Variants in KCNQ1 observed in about 807,000 individuals in gnomAD.
KCNQ1 encodes the protein potassium voltage-gated channel subfamily KQT member 1.
In KCNQ1, 49 loss-of-function variants were observed where a neutral mutation model predicts 72.4. That is an observed-to-expected ratio of 0.68 (90% CI 0.54 to 0.86). The LOEUF (loss-of-function observed/expected upper bound fraction) is 0.86. KCNQ1 is among the 40% of genes least tolerant of loss of function. KCNQ1 has a pLI of 0.00. For missense variants in KCNQ1, 790 were observed against 945.1 expected (o/e 0.84, Z 2.15); for synonymous variants, 450 against 412.6 (o/e 1.09, Z -1.10).
At chr11:2,742,712 C>T (rs933421905) in intron 11 of KCNQ1, among the ~76,000 whole-genome samples, 5 of 152,248 alleles carry the variant, frequency 3.3e-5, no homozygotes, top group Admixed American at 1.3e-4. Context: ...GAGAAGGAGG[C>T]CTTCCCCTCC....
At chr11:2,846,156 G>A (rs1373480354) in intron 15 of KCNQ1, among the ~76,000 whole-genome samples, 2 of 152,178 alleles carry the variant, frequency 1.3e-5, no homozygotes, top group Admixed American at 6.5e-5. Flanking sequence ...GACCAGGCCC[G>A]CCCGGCGCAG....
chr11:2,806,101 C>T (rs969237504), intron 15 of KCNQ1, among the ~76,000 whole-genome samples: 39 of 152,138 alleles, frequency 2.6e-4, no homozygotes, highest in African/African-American at 9.4e-4. Flanking sequence ...CAAACATGGT[C>T]CCAGTTTCTG....
chr11:2,798,119 C>G (rs573590010), intron 15 of KCNQ1, among the ~76,000 whole-genome samples: 2 of 138,252 alleles, frequency 1.4e-5, no homozygotes, highest in African/African-American at 5.2e-5. Context: ...CCTTTTCCCA[C>G]CCTCAGTGCC....
rs1454302162 is a variant in KCNQ1 at position 2,784,117 on chromosome 11, A to G, written c.1794+6080A>G. Among the ~76,000 whole-genome samples the G allele has an allele frequency of 6.6e-6, 1 of 151,900 alleles. No homozygotes were observed. Among genetic ancestry groups the G allele is most frequent in the Non-Finnish European group, 1.5e-5 (1 of 67,832 alleles). On this transcript the variant is annotated intron_variant, in intron 15 of 15. Transcript: ENST00000155840. This position sits in a 1 kb window ranked among gnomAD's most constrained non-coding sequence, Gnocchi z 4.7. Reference sequence around the variant, plus strand: ...TTTTGTTTTGGGTTTTTTTCCTTCTAGAAGTTGTATAGAATTAGCTCTTAC... The same window carrying G: ...TTTTGTTTTGGGTTTTTTTCCTTCTGGAAGTTGTATAGAATTAGCTCTTAC...
intron 11 of KCNQ1, among the ~76,000 whole-genome samples, chr11:2,751,932 C>T (rs981889032): frequency 6.6e-6 from 1 of 152,216 alleles, no homozygotes; most frequent in Non-Finnish European, 1.5e-5. Flanking sequence ...CGTGGATGCC[C>T]ACACACGGCA....
At position 2,495,683 on chromosome 11, in the gene KCNQ1, C is replaced by T. The variant is rs962405878; in HGVS notation, c.387-32245C>T. Among the ~76,000 whole-genome samples the T allele has an allele frequency of 3.3e-5, 5 of 152,082 alleles. No individual in the cohort carries two copies. The highest frequency in any genetic ancestry group is 6.5e-5 in the Admixed American group (1 of 15,270). On this transcript the variant is annotated intron_variant, in intron 1 of 15. Transcript: ENST00000155840. The surrounding 1 kb of genome is among the most constrained non-coding windows in gnomAD (Gnocchi z 4.6). Reference sequence around the variant, plus strand: ...TCTTCATCCTGAGTTCTAATTTGATCGTACTGTGTTCTGAGAGACTGTTTG... The same window carrying T: ...TCTTCATCCTGAGTTCTAATTTGATTGTACTGTGTTCTGAGAGACTGTTTG...
In KCNQ1 at chr11:2,695,416, C is replaced by T. The variant is rs531705757; in HGVS notation, c.1514+33335C>T. ...TTTAATTTAAATACACAGTCATGTA[C>T]TGAGGCCCTCTTTCTGTTTGGCATT... On this transcript the variant is annotated intron_variant, in intron 11 of 15. Transcript: ENST00000155840. The surrounding 1 kb of genome is among the most constrained non-coding windows in gnomAD (Gnocchi z 5.2). 28 of 398,650 alleles carry T rather than the reference C, an allele frequency of 7.0e-5. No individual in the cohort carries two copies. Among genetic ancestry groups the T allele is most frequent in the African/African-American group, 5.7e-4 (28 of 48,736 alleles). The allele number at this position is 398,650 out of a possible 1,614,324, so 24.7% of individuals were successfully genotyped here. A position where few individuals can be genotyped will look rare whatever the true frequency, so the allele number is the denominator to read the frequency against.
chr11:2,713,563 G>A lies in KCNQ1; in HGVS notation c.1514+51482G>A, dbSNP rs768294084. Among the ~76,000 whole-genome samples, 1 of 152,122 alleles carries A rather than the reference G, an allele frequency of 6.6e-6. No individual in the cohort carries two copies. The highest frequency in any genetic ancestry group is 6.5e-5 in the Admixed American group (1 of 15,282). ...GGGGGTCTGGAGGACAGGCACCCTT[G>A]TTGGCCGTGGATAGGTTTCTGTTCT... On this transcript the variant is annotated intron_variant, in intron 11 of 15. Transcript: ENST00000155840. The surrounding 1 kb of genome is among the most constrained non-coding windows in gnomAD (Gnocchi z 5.6).
chr11:2,768,178 C>G lies in KCNQ1; in HGVS notation c.1515-666C>G, dbSNP rs1490313715. Among the ~76,000 whole-genome samples, 2 of 152,220 alleles carry G rather than the reference C, an allele frequency of 1.3e-5. No homozygotes were observed. The highest frequency in any genetic ancestry group is 4.8e-5 in the African/African-American group (2 of 41,454). The stretch of plus-strand genomic sequence containing the variant: ...GTTAGCTTCACTGCCAGGAGGGAAT[C>G]TCCTGTGGCCTCCATGGCGCTGTGT... On this transcript the variant is annotated intron_variant, in intron 11 of 15. Transcript: ENST00000155840. This position sits in a 1 kb window ranked among gnomAD's most constrained non-coding sequence, Gnocchi z 6.7.
intron 12 of KCNQ1, among the ~76,000 whole-genome samples, 197 bp from the exon 13 acceptor site, chr11:2,775,763 C>T (rs1258677309): frequency 6.6e-6 from 1 of 152,184 alleles, no homozygotes; most frequent in Non-Finnish European, 1.5e-5. Context: ...CAGGACTACC[C>T]AGAGACCCAT....
chr11:2,846,568 G>A (rs1848332811), intron 15 of KCNQ1, among the ~76,000 whole-genome samples: 1 of 152,158 alleles, frequency 6.6e-6, no homozygotes, highest in African/African-American at 2.4e-5. Context: ...TAGGGAGAGG[G>A]GTCCCCAACC....
chr11:2,634,571 G>C (rs1849424146), intron 10 of KCNQ1: 1 of 152,058 alleles, frequency 6.6e-6, no homozygotes, highest in African/African-American at 2.4e-5. Flanking sequence ...TCTTAATCCA[G>C]TCTATCATTG....
In KCNQ1 at chr11:2,535,966, T is replaced by C. The variant is rs556833509; in HGVS notation, c.477+7948T>C. Among the ~76,000 whole-genome samples, 3 of 152,278 alleles carry C rather than the reference T, an allele frequency of 2.0e-5. No individual in the cohort carries two copies. In the South Asian group the frequency reaches 6.2e-4, roughly 32 times the overall value. On this transcript the variant is annotated intron_variant, in intron 2 of 15. Transcript: ENST00000155840. ...CAGGGGCGCTGCTGAAGCCACAGTC[T>C]CAGAGCCTGAGGCCCACGGGGCATG...
intron 11 of KCNQ1, among the ~76,000 whole-genome samples, chr11:2,760,997 AC>A (rs1248554876): frequency 5.9e-5 from 9 of 152,042 alleles, no homozygotes; most frequent in Admixed American, 1.3e-4. Context: ...GCTCAGTTAG[AC>A]CCCCTGCCTT....
chr11:2,789,684 T>G (rs1349189142), intron 15 of KCNQ1, among the ~76,000 whole-genome samples: 1 of 152,190 alleles, frequency 6.6e-6, no homozygotes, highest in African/African-American at 2.4e-5. Flanking sequence ...CAGGCCCAGC[T>G]CCTGGGCACT....
Position 2,613,952 on chromosome 11 carries a change from A to C in KCNQ1, c.1393+25098A>C. ...TTGAACTTTGCTTTTCTCACCTAAC[A>C]ACATCTCCTAGAAATCACTCAACAT... On this transcript the variant is annotated intron_variant, in intron 10 of 15. Transcript: ENST00000155840. This position sits in a 1 kb window ranked among gnomAD's most constrained non-coding sequence, Gnocchi z 4.8. The C allele has an allele frequency of 2.5e-6, 1 of 398,588 alleles. No individual in the cohort carries two copies. Among genetic ancestry groups the C allele is most frequent in the Non-Finnish European group, 4.4e-6 (1 of 226,056 alleles). 24.7% of individuals were successfully genotyped at this position (398,588 alleles called of 1,614,324 possible).
At position 2,567,065 on chromosome 11, in the gene KCNQ1, C is replaced by T. The variant is rs1463034822; in HGVS notation, c.478-3563C>T. On this transcript the variant is annotated intron_variant, in intron 2 of 15. Transcript: ENST00000155840. The surrounding 1 kb of genome is among the most constrained non-coding windows in gnomAD (Gnocchi z 6.6). ...GGGAATGGGGGGCACCTGGGGCCCA[C>T]GGGAGGCTCTGGGGGAGACTGGGCG... 1.3e-5 allele frequency among the ~76,000 whole-genome samples: 2 copies of T among 151,410 alleles called. No homozygotes were observed. Among genetic ancestry groups the T allele is most frequent in the African/African-American group, 2.4e-5 (1 of 41,182 alleles).
At chr11:2,812,611 C>A (rs1410548373) in intron 15 of KCNQ1, among the ~76,000 whole-genome samples, 2 of 152,222 alleles carry the variant, frequency 1.3e-5, no homozygotes, top group Admixed American at 1.3e-4. Context: ...TCTCTCTCCC[C>A]CTACATTCCT....
chr11:2,699,878 C>CG (rs1850763723), intron 11 of KCNQ1: 1 of 398,170 alleles, frequency 2.5e-6, no homozygotes, highest in African/African-American at 2.1e-5. Flanking sequence ...GCTGAGGAGC[C>CG]CCGGGGAGGA....
Sources: gnomAD v4.1 joint callset for allele counts (sites outside exome capture counted in the v4.1 genomes callset) on GRCh38, gnomAD v4.1.1 for gene constraint, Gnocchi (gnomAD v3.1) non-coding constraint, MANE v1.5 for transcripts, NCBI Gene and HGNC (gene_info 2026-07-23, HGNC 2026-07-21) for gene names.